RAB1A: variants seen among roughly 807,000 people sequenced by gnomAD.
The protein encoded by RAB1A is ras-related protein Rab-1A.
Under a neutral mutation model 26.0 loss-of-function variants are expected in RAB1A, and 2 were observed. The observed-to-expected ratio is 0.08, with a 90% CI of 0.03 to 0.24. The LOEUF is 0.24. RAB1A is among the 10% of genes least tolerant of loss of function. The probability of loss-of-function intolerance (pLI) is 1.00; values close to 1 mark genes in which losing one functional copy is unlikely to be tolerated. For missense variants in RAB1A, 100 were observed against 247.0 expected, an observed-to-expected ratio of 0.40 and a Z score of 3.99; for synonymous variants, 84 against 84.9, an observed-to-expected ratio of 0.99 and a Z score of 0.06.
At chr2:65,129,801 T>G in intron 1 of RAB1A, 92 bp downstream of exon 1, 1 of 1,537,934 alleles carries the variant, frequency 6.5e-7, no homozygotes, top group South Asian at 1.2e-5. Flanking sequence ...CCCCAGCCGA[T>G]GCCCCGACTT....
At chr2:65,125,694 G>T (rs552795915) in intron 1 of RAB1A, among the ~76,000 whole-genome samples, 2 of 151,380 alleles carry the variant, frequency 1.3e-5, no homozygotes, top group Non-Finnish European at 1.5e-5. Context: ...GATTACAGGC[G>T]TGAGCCACTG....
chr2:65,111,634 T>C (rs1383663133), intron 1 of RAB1A, among the ~76,000 whole-genome samples: 2 of 152,210 alleles, frequency 1.3e-5, no homozygotes, highest in African/African-American at 4.8e-5. Context: ...AATGTTTATT[T>C]CTTAATTTGG....
At chr2:65,126,577 A>G (rs992827298) in intron 1 of RAB1A, among the ~76,000 whole-genome samples, 2 of 152,226 alleles carry the variant, frequency 1.3e-5, no homozygotes, top group Non-Finnish European at 2.9e-5. Context: ...AGCAGAACCC[A>G]TTAACAAAGA....
intron 1 of RAB1A, among the ~76,000 whole-genome samples, chr2:65,115,289 T>A (rs553904765): frequency 6.6e-6 from 1 of 152,214 alleles, no homozygotes; most frequent in South Asian, 2.1e-4. Flanking sequence ...AAAATCCTGA[T>A]ATACTGGCCA....
chr2:65,122,155 CAAAAAAAAAAA>C (rs57590844), intron 1 of RAB1A, among the ~76,000 whole-genome samples: 1 of 31,728 alleles, frequency 3.2e-5, no homozygotes, highest in East Asian at 1.3e-3. Context: ...GACTCTATCT[CAAAAAAAAAAA>C]AAAAAAAAAA....
At chr2:65,128,079 G>C (rs1670145537) in intron 1 of RAB1A, among the ~76,000 whole-genome samples, 1 of 152,074 alleles carries the variant, frequency 6.6e-6, no homozygotes, top group African/African-American at 2.4e-5. Context: ...CTAAATCCTG[G>C]TACTAATAGA....
intron 1 of RAB1A, among the ~76,000 whole-genome samples, chr2:65,115,754 A>G (rs184239363): frequency 6.6e-6 from 1 of 152,188 alleles, no homozygotes; most frequent in African/African-American, 2.4e-5. Flanking sequence ...CTTAAAAAAA[A>G]TTGTTCCCAT....
chr2:65,106,806 ACTTGG>A (rs1669572798), intron 1 of RAB1A, among the ~76,000 whole-genome samples: 1 of 151,610 alleles, frequency 6.6e-6, no homozygotes, highest in Non-Finnish European at 1.5e-5. Context: ...AACAATTTGT[ACTTGG>A]CAGTTCAGCT....
chr2:65,100,270 G>A (rs992117044), intron 2 of RAB1A, among the ~76,000 whole-genome samples: 4 of 151,396 alleles, frequency 2.6e-5, no homozygotes, highest in African/African-American at 7.3e-5. Context: ...ACGTGGTGGC[G>A]GGCGCCTGTA....
intron 2 of RAB1A, among the ~76,000 whole-genome samples, chr2:65,100,262 G>A (rs147094290): frequency 0.051 from 7,730 of 151,512 alleles, 668 homozygotes; most frequent in African/African-American, 0.18. Context: ...TTAGCTGGAC[G>A]TGGTGGCGGG....
chr2:65,129,695 G>T (rs1164908673), intron 1 of RAB1A, among the ~76,000 whole-genome samples, 198 bp downstream of exon 1: 1 of 151,112 alleles, frequency 6.6e-6, no homozygotes, highest in Admixed American at 6.6e-5. Context: ...TCACCCCTCC[G>T]GCCCGACCCC....
chr2:65,104,435 G>T (rs1397813386), intron 2 of RAB1A, among the ~76,000 whole-genome samples: 1 of 151,986 alleles, frequency 6.6e-6, no homozygotes, highest in Non-Finnish European at 1.5e-5. Context: ...TTTCAACACA[G>T]GCCACCAACT....
At chr2:65,092,811 C>T (rs1232667866) in intron 3 of RAB1A, among the ~76,000 whole-genome samples, 1 of 152,144 alleles carries the variant, frequency 6.6e-6, no homozygotes, top group Admixed American at 6.5e-5. Flanking sequence ...AAGTTGTAAT[C>T]ACTGAGGGAA....
chr2:65,094,541 G>A (rs544251859), intron 3 of RAB1A, among the ~76,000 whole-genome samples: 13 of 149,080 alleles, frequency 8.7e-5, no homozygotes, highest in African/African-American at 3.0e-4. Flanking sequence ...CCGAGATCAC[G>A]CCATTGCACT....
intron 1 of RAB1A, among the ~76,000 whole-genome samples, chr2:65,107,823 A>G (rs1669596515): frequency 6.6e-6 from 1 of 152,132 alleles, no homozygotes; most frequent in African/African-American, 2.4e-5. Context: ...TCAACAACCC[A>G]GGCTAGGCGT....
intron 2 of RAB1A, among the ~76,000 whole-genome samples, chr2:65,102,335 C>T (rs1049688739): frequency 3.3e-5 from 5 of 151,938 alleles, no homozygotes; most frequent in Admixed American, 6.6e-5. Context: ...TTCTAGTACT[C>T]ATGGTTTTAT....
At chr2:65,129,054 G>A (rs1028112558) in intron 1 of RAB1A, among the ~76,000 whole-genome samples, 1 of 151,706 alleles carries the variant, frequency 6.6e-6, no homozygotes, top group Non-Finnish European at 1.5e-5. Context: ...CCTACATACA[G>A]ATCTATCATA....
intron 2 of RAB1A, among the ~76,000 whole-genome samples, chr2:65,100,080 T>C (rs1385391257): frequency 1.3e-5 from 2 of 152,118 alleles, no homozygotes; most frequent in African/African-American, 4.8e-5. Flanking sequence ...AGGTTGATAA[T>C]GGCAATGTCA....
At chr2:65,125,417 TTC>T (rs1368980459) in intron 1 of RAB1A, among the ~76,000 whole-genome samples, 2 of 149,800 alleles carry the variant, frequency 1.3e-5, no homozygotes, top group South Asian at 2.1e-4. Context: ...TGTTAAGTAT[TTC>T]TTTCTTTTTT....
Sources: allele counts gnomAD v4.1 joint callset (sites outside exome capture counted in the v4.1 genomes callset), GRCh38; gene constraint gnomAD v4.1.1; transcripts MANE v1.5; gene names NCBI Gene and HGNC (gene_info 2026-07-23, HGNC 2026-07-21).